RPRD1B: variants seen among roughly 807,000 people sequenced by gnomAD.
RPRD1B encodes regulation of nuclear pre-mRNA domain containing 1B.
Under a neutral mutation model 41.5 loss-of-function variants are expected in RPRD1B, and 11 were observed. The observed-to-expected ratio is 0.27, with a 90% CI of 0.17 to 0.44. The LOEUF (loss-of-function observed/expected upper bound fraction) is 0.44. Among genes scored for constraint, RPRD1B ranks in the 20% least tolerant of loss-of-function variants. The probability of loss-of-function intolerance (pLI) is 1.00; values close to 1 mark genes in which losing one functional copy is unlikely to be tolerated. For missense variants in RPRD1B, 248 were observed against 389.9 expected, an observed-to-expected ratio of 0.64 and a Z score of 3.06; for synonymous variants, 158 against 155.6, an observed-to-expected ratio of 1.02 and a Z score of -0.12.
At chr20:38,058,214 G>A (rs147595674) in intron 4 of RPRD1B, among the ~76,000 whole-genome samples, 66 of 152,078 alleles carry the variant, frequency 4.3e-4, no homozygotes, top group Middle Eastern at 3.4e-3. Flanking sequence ...TTAAATCCAG[G>A]TGTGTCTGAC....
intron 6 of RPRD1B, 79 bp from the exon 7 acceptor site, chr20:38,089,647 G>A: frequency 1.7e-6 from 2 of 1,190,676 alleles, no homozygotes; most frequent in South Asian, 1.3e-5. Context: ...GAGGACGAGA[G>A]TAGCTGCCCG....
intron 4 of RPRD1B, among the ~76,000 whole-genome samples, chr20:38,058,470 A>G (rs2074265704): frequency 6.6e-6 from 1 of 152,234 alleles, no homozygotes; most frequent in South Asian, 2.1e-4. Flanking sequence ...TAATCTAACT[A>G]CCATCTACAG....
chr20:38,058,508 G>C (rs931434930), intron 4 of RPRD1B, among the ~76,000 whole-genome samples: 10 of 152,182 alleles, frequency 6.6e-5, no homozygotes, highest in African/African-American at 9.7e-5. Flanking sequence ...TGATTATGGA[G>C]TGGCCTGTTA....
chr20:38,091,815 G>C lies in RPRD1B; in HGVS notation c.*1940G>C. The C allele has an allele frequency of 1.0e-6, 1 of 985,792 alleles. No individual in the cohort carries two copies. The highest frequency in any genetic ancestry group is 1.2e-6 in the Non-Finnish European group (1 of 829,930). 61.1% of individuals were successfully genotyped at this position (985,792 alleles called of 1,614,324 possible). On this transcript the variant is annotated 3_prime_UTR_variant, in exon 7 of 7. Transcript: ENST00000373433. ...TATAGCAGAATGGATTTAGCCCACT[G>C]CTCTGTTTTATCCAACTGAGTCTCT...
chr20:38,043,653 T>A (rs1374331378), intron 2 of RPRD1B, among the ~76,000 whole-genome samples: 1 of 152,178 alleles, frequency 6.6e-6, no homozygotes, highest in Non-Finnish European at 1.5e-5. Context: ...TAGCTTCCAT[T>A]TATTGAGTGC....
At chr20:38,040,875 C>A (rs1318587308) in intron 2 of RPRD1B, among the ~76,000 whole-genome samples, 1 of 152,064 alleles carries the variant, frequency 6.6e-6, no homozygotes, top group Non-Finnish European at 1.5e-5. Flanking sequence ...AGCTTATGAT[C>A]AAAAAACAAA....
intron 6 of RPRD1B, among the ~76,000 whole-genome samples, chr20:38,075,057 GTC>G (rs1278793766): frequency 6.6e-6 from 1 of 152,138 alleles, no homozygotes; most frequent in Non-Finnish European, 1.5e-5. Flanking sequence ...GTATGTTTCT[GTC>G]TCTGTCTCTT....
At chr20:38,057,271 G>A (rs2122721454) in intron 3 of RPRD1B, among the ~76,000 whole-genome samples, 1 of 152,312 alleles carries the variant, frequency 6.6e-6, no homozygotes, top group Non-Finnish European at 1.5e-5. Context: ...AGTTGGGTAA[G>A]TTTTCGCTTT....
intron 6 of RPRD1B, among the ~76,000 whole-genome samples, chr20:38,088,620 T>G (rs1279565108): frequency 6.6e-6 from 1 of 152,244 alleles, no homozygotes; most frequent in African/African-American, 2.4e-5. Context: ...CTAGGGTTGT[T>G]TTCTATATAT....
intron 2 of RPRD1B, among the ~76,000 whole-genome samples, chr20:38,041,242 A>G (rs1021188962): frequency 2.2e-4 from 34 of 152,382 alleles, no homozygotes; most frequent in South Asian, 1.2e-3. Flanking sequence ...AAGAAAAACT[A>G]TCGTTCATTA....
chr20:38,071,633 T>C (rs1047624136), intron 6 of RPRD1B, among the ~76,000 whole-genome samples: 2 of 152,238 alleles, frequency 1.3e-5, no homozygotes, highest in Non-Finnish European at 2.9e-5. Context: ...CCACAGCAGC[T>C]ACATCATTTT....
rs991475791 is a variant in RPRD1B, at chr20:38,042,143, T to C, written c.281+1579T>C. Among the ~76,000 whole-genome samples the C allele has an allele frequency of 1.4e-4, 21 of 152,180 alleles. 1 individual carries two copies. The highest frequency in any genetic ancestry group is 1.5e-5 in the Non-Finnish European group (1 of 68,024). On this transcript the variant is annotated intron_variant, in intron 2 of 6. Transcript: ENST00000373433. ...AGGGATAGTAAACATAACAGTGTTATTAAAAAATTCCAGCCTGGGCAGCAT... is the reference window on the plus strand; with the variant it reads ...AGGGATAGTAAACATAACAGTGTTACTAAAAAATTCCAGCCTGGGCAGCAT...
In RPRD1B at chr20:38,090,623, A is replaced by G; in HGVS notation, c.*748A>G. 2 of 985,476 alleles carry G rather than the reference A, an allele frequency of 2.0e-6. No homozygotes were observed. Among genetic ancestry groups the G allele is most frequent in the South Asian group, 4.7e-5 (1 of 21,290 alleles). 61.0% of individuals were successfully genotyped at this position (985,476 alleles called of 1,614,324 possible). A position where few individuals can be genotyped will look rare whatever the true frequency, so the allele number is the denominator to read the frequency against. On this transcript the variant is annotated 3_prime_UTR_variant, in exon 7 of 7. Coordinates refer to ENST00000373433, the MANE Select transcript of RPRD1B (RefSeq NM_021215.4). The stretch of plus-strand genomic sequence containing the variant: ...CAACCTTCCCATGCTGCACTTCTCC[A>G]CTGTCGGAGCACGTTCCGAAAAACA...
chr20:38,063,070 G>C (rs1288645305), intron 5 of RPRD1B, among the ~76,000 whole-genome samples: 1 of 151,998 alleles, frequency 6.6e-6, no homozygotes, highest in East Asian at 1.9e-4. Flanking sequence ...CACTGCTCAA[G>C]TCATATGGGC....
Position 38,092,242 on chromosome 20 carries a change from A to G in RPRD1B, c.*2367A>G, listed in dbSNP as rs1004163735. On this transcript the variant is annotated 3_prime_UTR_variant, in exon 7 of 7. Transcript: ENST00000373433. ...TTGTTTTTCTTAAAGAATATTTTCA[A>G]AGCTTAAATTTGTATATTAATTTAG... is the stretch of plus-strand genomic sequence containing the variant. The G allele has an allele frequency of 9.1e-6, 9 of 984,894 alleles. No individual in the cohort carries two copies. Among genetic ancestry groups the G allele is most frequent in the Admixed American group, 1.2e-4 (2 of 16,256 alleles). The allele number at this position is 984,894 out of a possible 1,614,324, so 61.0% of individuals were successfully genotyped here. A position where few individuals can be genotyped will look rare whatever the true frequency, so the allele number is the denominator to read the frequency against.
intron 1 of RPRD1B, among the ~76,000 whole-genome samples, chr20:38,035,569 G>C (rs976456154): frequency 1.3e-5 from 2 of 152,210 alleles, no homozygotes; most frequent in African/African-American, 4.8e-5. Context: ...ACTGTACTGA[G>C]ATAGGGATCC....
At chr20:38,073,313 C>G (rs902177944) in intron 6 of RPRD1B, among the ~76,000 whole-genome samples, 5 of 152,182 alleles carry the variant, frequency 3.3e-5, no homozygotes, top group African/African-American at 9.7e-5. Context: ...CGCTCTTGCT[C>G]TGATAGGAGG....
rs145799102 is a variant in RPRD1B, at chr20:38,088,937, A to G, written c.832-789A>G. Among the ~76,000 whole-genome samples, 1,271 of 152,236 alleles carry G rather than the reference A, an allele frequency of 8.3e-3. 10 individuals carry two copies. Among genetic ancestry groups the G allele is most frequent in the African/African-American group, 0.025 (1,041 of 41,516 alleles). On this transcript the variant is annotated intron_variant, in intron 6 of 6. Transcript: ENST00000373433. ...CTTTGCTAGGGCTAGGAGAAGAGAG[A>G]GACCCCCTCCAGGCTTGCGGGGAAT...
At chr20:38,064,904 T>C (rs1048335153) in intron 5 of RPRD1B, among the ~76,000 whole-genome samples, 5 of 151,440 alleles carry the variant, frequency 3.3e-5, no homozygotes, top group Admixed American at 6.6e-5. Flanking sequence ...GAGAATGGCA[T>C]GAACCTGGGA....
Sources: gnomAD v4.1 joint callset for allele counts (sites outside exome capture counted in the v4.1 genomes callset) on GRCh38, gnomAD v4.1.1 for gene constraint, MANE v1.5 for transcripts, NCBI Gene and HGNC (gene_info 2026-07-23, HGNC 2026-07-21) for gene names.